FAM120B: variants seen among roughly 807,000 people sequenced by gnomAD.
FAM120B encodes family with sequence similarity 120 member B.
A neutral mutation model predicts 96.3 loss-of-function variants in FAM120B; 83 were observed. The observed-to-expected ratio is 0.86, with a 90% CI of 0.72 to 1.03. The LOEUF (loss-of-function observed/expected upper bound fraction) is 1.03. FAM120B is among the 50% of genes least tolerant of loss of function. The pLI, the probability that FAM120B is intolerant of heterozygous loss-of-function variation, is 0.00. For missense variants in FAM120B, 1,027 were observed against 1,121.2 expected, an observed-to-expected ratio of 0.92 and a Z score of 1.20; for synonymous variants, 407 against 402.7, an observed-to-expected ratio of 1.01 and a Z score of -0.13.
intron 9 of FAM120B, among the ~76,000 whole-genome samples, chr6:170,398,030 G>C (rs1242722466): frequency 6.6e-6 from 1 of 152,244 alleles, no homozygotes; most frequent in Non-Finnish European, 1.5e-5. Flanking sequence ...AAGGTGGAGA[G>C]GGGATAGTCA....
rs747938757 is a variant in FAM120B at position 170,406,666 on chromosome 6, C to A, written c.*1915C>A. On this transcript the variant is annotated 3_prime_UTR_variant, in exon 11 of 11. Transcript: ENST00000476287. Reference sequence around the variant, plus strand: ...CCTAGCTTTGGAAATCGATTTTTTTCATTCCTCTTATGAGGATTTCCCTAT... The same window carrying A: ...CCTAGCTTTGGAAATCGATTTTTTTAATTCCTCTTATGAGGATTTCCCTAT... 5 of 152,150 alleles carry A rather than the reference C, an allele frequency of 3.3e-5. No individual in the cohort carries two copies. The highest frequency in any genetic ancestry group is 7.4e-5 in the Non-Finnish European group (5 of 68,026). The allele number at this position is 152,150 out of a possible 1,614,324, so 9.4% of individuals were successfully genotyped here.
chr6:170,340,308 C>T (rs1179015681), intron 4 of FAM120B, among the ~76,000 whole-genome samples: 3 of 151,942 alleles, frequency 2.0e-5, no homozygotes, highest in South Asian at 2.1e-4. Context: ...GTGTGCTTCA[C>T]GAAGTTCTCG....
At chr6:170,297,110 G>A (rs977484464) in intron 1 of FAM120B, among the ~76,000 whole-genome samples, 2 of 152,206 alleles carry the variant, frequency 1.3e-5, no homozygotes, top group East Asian at 1.9e-4. Flanking sequence ...AACGTGGCGC[G>A]CACCCGCAGG....
At chr6:170,324,136 G>A (rs751837178) in intron 3 of FAM120B, among the ~76,000 whole-genome samples, 1 of 152,104 alleles carries the variant, frequency 6.6e-6, no homozygotes, top group Admixed American at 6.6e-5. Flanking sequence ...AATATTAACC[G>A]TACTCTGTTG....
chr6:170,381,550 C>G (rs1420523805), intron 6 of FAM120B, among the ~76,000 whole-genome samples: 1 of 150,692 alleles, frequency 6.6e-6, no homozygotes, highest in African/African-American at 2.5e-5. Context: ...GACACCCAAA[C>G]CAGACAAAAA....
intron 2 of FAM120B, among the ~76,000 whole-genome samples, chr6:170,321,018 C>G (rs934536940): frequency 1.3e-5 from 2 of 152,116 alleles, no homozygotes; most frequent in Non-Finnish European, 2.9e-5. Context: ...GAGGCAAAGC[C>G]GACAGGGAGT....
intron 2 of FAM120B, 22 bp downstream of exon 2, chr6:170,319,146 A>G (rs768544789): frequency 4.0e-6 from 6 of 1,518,598 alleles, no homozygotes; most frequent in Middle Eastern, 1.8e-4. Context: ...TGCCCAGCCA[A>G]TATGCCATGA....
At chr6:170,351,659 T>G (rs1459749217) in intron 5 of FAM120B, among the ~76,000 whole-genome samples, 1 of 151,896 alleles carries the variant, frequency 6.6e-6, no homozygotes, top group African/African-American at 2.4e-5. Flanking sequence ...CTTAAGAATT[T>G]CCAACCCAGA....
At chr6:170,360,908 T>A (rs1042395553) in intron 6 of FAM120B, among the ~76,000 whole-genome samples, 1 of 152,036 alleles carries the variant, frequency 6.6e-6, no homozygotes, top group Non-Finnish European at 1.5e-5. Context: ...GAGATGTGGT[T>A]TGGGGAAGGA....
intron 2 of FAM120B, 97 bp downstream of exon 2, chr6:170,319,221 TGA>T: frequency 8.2e-7 from 1 of 1,218,018 alleles, no homozygotes. Context: ...GTTTGGCCAC[TGA>T]GAGGATGCAC....
intron 9 of FAM120B, among the ~76,000 whole-genome samples, chr6:170,401,972 C>T (rs777581883): frequency 2.6e-5 from 4 of 152,236 alleles, no homozygotes; most frequent in African/African-American, 4.8e-5. Flanking sequence ...CCAAGAGGCA[C>T]TCTCTCTTCC....
At chr6:170,384,866 G>C (rs1295296653) in intron 6 of FAM120B, among the ~76,000 whole-genome samples, 1 of 152,224 alleles carries the variant, frequency 6.6e-6, no homozygotes, top group East Asian at 1.9e-4. Flanking sequence ...ACTCTTCACT[G>C]TCTGGCCCCT....
At chr6:170,353,455 AACTTC>A (rs1422351401) in intron 5 of FAM120B, among the ~76,000 whole-genome samples, 1 of 152,214 alleles carries the variant, frequency 6.6e-6, no homozygotes, top group African/African-American at 2.4e-5. Flanking sequence ...AAAGAAAGAA[AACTTC>A]AGGCCAATAT....
At chr6:170,383,965 G>A (rs554739399) in intron 6 of FAM120B, among the ~76,000 whole-genome samples, 2 of 152,292 alleles carry the variant, frequency 1.3e-5, no homozygotes, top group African/African-American at 4.8e-5. Context: ...GCTGGCGCTT[G>A]GTGAGTGGCT....
upstream of FAM120B, among the ~76,000 whole-genome samples, chr6:170,293,664 TCTC>T (rs922092584): frequency 3.8e-4 from 58 of 151,738 alleles, no homozygotes; most frequent in Admixed American, 1.9e-3. Flanking sequence ...CTCCTCCTGT[TCTC>T]CTTTTTCTTT....
At chr6:170,398,185 A>C (rs1311293448) in intron 9 of FAM120B, among the ~76,000 whole-genome samples, 1 of 152,264 alleles carries the variant, frequency 6.6e-6, no homozygotes, top group Non-Finnish European at 1.5e-5. Context: ...CAACGCACTG[A>C]AACCTTTCCA....
intron 9 of FAM120B, among the ~76,000 whole-genome samples, chr6:170,398,371 T>C (rs1778320831): frequency 2.0e-5 from 3 of 152,218 alleles, no homozygotes; most frequent in Admixed American, 6.5e-5. Context: ...GGTAGAACTA[T>C]GTCATAACTC....
chr6:170,404,721 T>A, intron 10 of FAM120B, 42 bp from the exon 11 acceptor site: 1 of 773,922 alleles, frequency 1.3e-6, no homozygotes, highest in South Asian at 1.6e-5. Flanking sequence ...GCTGACCTGG[T>A]GCCGAGTTAA....
At chr6:170,330,374 G>A (rs1020150240) in intron 3 of FAM120B, 75 bp from the exon 4 acceptor site, 2 of 1,170,960 alleles carry the variant, frequency 1.7e-6, no homozygotes, top group African/African-American at 1.5e-5. Flanking sequence ...CACCTGGGCA[G>A]AGCTGGGTCT....
Sources: gnomAD v4.1 joint callset for allele counts (sites outside exome capture counted in the v4.1 genomes callset) on GRCh38, gnomAD v4.1.1 for gene constraint, MANE v1.5 for transcripts, NCBI Gene and HGNC (gene_info 2026-07-23, HGNC 2026-07-21) for gene names.